The following ILK variants were observed in gnomAD, a reference collection of about 807,000 sequenced individuals.
ILK encodes the protein scaffold protein ILK.
A neutral mutation model predicts 57.8 loss-of-function variants in ILK; 37 were observed. The observed-to-expected ratio is 0.64, with a 90% CI of 0.49 to 0.84. The LOEUF is 0.84. ILK is among the 40% of genes least tolerant of loss of function. The pLI is 0.00. For missense variants in ILK, 528 were observed against 595.7 expected, an observed-to-expected ratio of 0.89 and a Z score of 1.18; for synonymous variants, 231 against 202.2, an observed-to-expected ratio of 1.14 and a Z score of -1.21.
In ILK at chr11:6,608,113, T is replaced by A. The variant is rs200336608; in HGVS notation, c.157T>A (p.Leu53Met). The A allele has an allele frequency of 2.5e-4, 402 of 1,614,142 alleles. No homozygotes were observed. Among genetic ancestry groups the A allele is most frequent in the Non-Finnish European group, 1.7e-4 (197 of 1,180,016 alleles). The change falls in exon 3 of 13, where the codon TTG becomes ATG. Residue 53 changes from leucine (L) to methionine (M), a missense_variant. Physicochemically the swap from Leu to Met is conservative, Grantham distance 15. Transcript: ENST00000299421. This position sits in a 1 kb window ranked among gnomAD's most constrained non-coding sequence, Gnocchi z 4.9. ...GGGCCGCTCTGCTGTGGTTGAGATG[T>A]TGATCATGCGGGGGGCACGGATCAA... ...REGRSAVVEM[L>M]IMRGARINVM...
chr11:6,606,158 G>A (rs960487265), intron 2 of ILK: 1 of 152,270 alleles, frequency 6.6e-6, no homozygotes, highest in East Asian at 1.9e-4. Context: ...GGGCCACAGA[G>A]CAAGACTCTG....
rs1406665328 is a variant in ILK at position 6,610,650 on chromosome 11, A to G, written c.*39A>G. The G allele has an allele frequency of 6.2e-7, 1 of 1,613,514 alleles. No individual in the cohort carries two copies. Among genetic ancestry groups the G allele is most frequent in the Non-Finnish European group, 8.5e-7 (1 of 1,179,572 alleles). ...TTGCCTGAACTCCAGAGGTGTCGGG[A>G]CATGGTTGGGGGAATGCACCTCCCC... is the stretch of plus-strand genomic sequence containing the variant. On this transcript the variant is annotated 3_prime_UTR_variant, in exon 13 of 13. Transcript: ENST00000299421.
chr11:6,606,034 C>T (rs185530462), intron 2 of ILK, among the ~76,000 whole-genome samples: 5 of 152,212 alleles, frequency 3.3e-5, no homozygotes, highest in African/African-American at 1.2e-4. Flanking sequence ...ATTAGCCAGG[C>T]GTGGTGGCGT....
At chr11:6,609,245 G>A in intron 7 of ILK, 54 bp from the exon 8 acceptor site, 1 of 1,603,312 alleles carries the variant, frequency 6.2e-7, no homozygotes, top group East Asian at 2.2e-5. Context: ...CCAGTTAGTG[G>A]GCAAGGAAGT....
At chr11:6,609,887 C>T (rs1225554100) in intron 10 of ILK, 42 bp downstream of exon 10, 1 of 1,614,210 alleles carries the variant, frequency 6.2e-7, no homozygotes, top group South Asian at 1.1e-5. Context: ...CCCAAAAGCC[C>T]TTTGCCTATC....
intron 2 of ILK, chr11:6,604,880 A>G: frequency 4.4e-6 from 2 of 456,466 alleles, no homozygotes; most frequent in Non-Finnish European, 8.8e-6. Context: ...TGTGAAGAGC[A>G]GGTGGAAAGG....
Position 6,609,412 on chromosome 11 carries a change from G to T in ILK, c.728+4G>T. On this transcript the variant is annotated splice_donor_region_variant and intron_variant, in intron 8 of 12. Coordinates refer to ENST00000299421, the MANE Select transcript of ILK (RefSeq NM_004517.4). ...ATGAAGAGTGTCCCCGGCTCAGGTAGTGCAAGGCGTAACCTGGAAGCTGCT... is the reference window on the plus strand; with the variant it reads ...ATGAAGAGTGTCCCCGGCTCAGGTATTGCAAGGCGTAACCTGGAAGCTGCT... 6.2e-7 allele frequency: 1 copy of T among 1,613,706 alleles called. No individual in the cohort carries two copies. Among genetic ancestry groups the T allele is most frequent in the Non-Finnish European group, 8.5e-7 (1 of 1,179,678 alleles).
rs1005857328 is a variant in ILK at position 6,609,828 on chromosome 11, A to G, written c.961A>G (p.Asn321Asp). 4 of 1,614,196 alleles carry G rather than the reference A, an allele frequency of 2.5e-6. No homozygotes were observed. Among genetic ancestry groups the G allele is most frequent in the Non-Finnish European group, 3.4e-6 (4 of 1,180,010 alleles). ...GCCCCTCATCCCACGACATGCACTCAATAGCCGTAGTGTAATGGTGAGGCC... is the reference window on the plus strand; with the variant it reads ...GCCCCTCATCCCACGACATGCACTCGATAGCCGTAGTGTAATGGTGAGGCC... Reference protein sequence around the residue: ...LEPLIPRHALNSRSVMIDEDM... With the variant: ...LEPLIPRHALDSRSVMIDEDM... Residue 321 changes from asparagine to aspartate, a missense_variant, in exon 10 of 13, where the codon AAT becomes GAT. Asn to Asp is a conservative substitution (Grantham distance 23, BLOSUM62 1). Transcript: ENST00000299421.
rs1429491891 is a variant in ILK at position 6,610,697 on chromosome 11, C to T, written c.*86C>T. ...CCCCAAAGCAGCAGGCCTCTGGTTG[C>T]CTCCCCCGCCTCCAGTCATGGTACT... is the stretch of plus-strand genomic sequence containing the variant. On this transcript the variant is annotated 3_prime_UTR_variant, in exon 13 of 13. Transcript: ENST00000299421. The T allele has an allele frequency of 1.3e-6, 2 of 1,508,828 alleles. No homozygotes were observed. Among genetic ancestry groups the T allele is most frequent in the Non-Finnish European group, 1.8e-6 (2 of 1,091,396 alleles). The allele number at this position is 1,508,828 out of a possible 1,614,324, so 93.5% of individuals were successfully genotyped here.
chr11:6,604,325 G>C lies in ILK; in HGVS notation c.54G>C (p.Leu18=). Residue 18 remains leucine (L), a synonymous_variant, in exon 2 of 13, where the codon CTG becomes CTC. Coordinates refer to ENST00000299421, the MANE Select transcript of ILK (RefSeq NM_004517.4). ...AGGGCAACGCAGTCGCCGTTCGCCT[G>C]TGGCTGGACAACACGGAGAACGACC... ...CREGNAVAVR[L]WLDNTENDLN... The C allele has an allele frequency of 6.2e-7, 1 of 1,612,810 alleles. No individual in the cohort carries two copies.
At chr11:6,607,876 C>A in intron 2 of ILK, 170 bp from the exon 3 acceptor site, 3 of 659,612 alleles carry the variant, frequency 4.5e-6, no homozygotes, top group South Asian at 1.8e-5. Flanking sequence ...TGGTTTGAAG[C>A]TCAGGGGAAG....
Position 6,608,343 on chromosome 11 carries a change from G to A in ILK, c.256-51G>A. 6.3e-7 allele frequency: 1 copy of A among 1,584,790 alleles called. No homozygotes were observed. The highest frequency in any genetic ancestry group is 8.7e-7 in the Non-Finnish European group (1 of 1,153,370). ...ATGCCCTGACACCAGTATCTCATTT[G>A]GAACTGACTGTACTTTCTGCCTCTT... is the stretch of plus-strand genomic sequence containing the variant. On this transcript the variant is annotated intron_variant, in intron 3 of 12. Coordinates refer to ENST00000299421, the MANE Select transcript of ILK (RefSeq NM_004517.4). This position sits in a 1 kb window ranked among gnomAD's most constrained non-coding sequence, Gnocchi z 4.9.
Position 6,609,933 on chromosome 11 carries a change from C to T in ILK, c.979-3C>T. On this transcript the variant is annotated splice_polypyrimidine_tract_variant and splice_region_variant and intron_variant, in intron 10 of 12. Transcript: ENST00000299421. Reference sequence around the variant, plus strand: ...CTCCTTCTATCTGTTTTCTCTTCCTCAGATTGATGAGGACATGACTGCCCG... The same window carrying T: ...CTCCTTCTATCTGTTTTCTCTTCCTTAGATTGATGAGGACATGACTGCCCG... 1.2e-6 allele frequency: 2 copies of T among 1,614,152 alleles called. No individual in the cohort carries two copies. Among genetic ancestry groups the T allele is most frequent in the Non-Finnish European group, 1.7e-6 (2 of 1,180,026 alleles).
In ILK at chr11:6,603,808, G is replaced by A; in HGVS notation, c.-107G>A. 1 of 355,898 alleles carries A rather than the reference G, an allele frequency of 2.8e-6. No homozygotes were observed. The highest frequency in any genetic ancestry group is 5.1e-6 in the Non-Finnish European group (1 of 197,638). The allele number at this position is 355,898 out of a possible 1,614,324, so 22.0% of individuals were successfully genotyped here. A position where few individuals can be genotyped will look rare whatever the true frequency, so the allele number is the denominator to read the frequency against. On this transcript the variant is annotated 5_prime_UTR_variant, in exon 1 of 13. Transcript: ENST00000299421. ...CGGGAGTTCCCCGGAGAAGGATCCTGCAGCCCGAGTCCCGGTGAGTGCGAG... is the reference window on the plus strand; with the variant it reads ...CGGGAGTTCCCCGGAGAAGGATCCTACAGCCCGAGTCCCGGTGAGTGCGAG...
Position 6,609,087 on chromosome 11 carries a change from CAA to C in ILK, c.551_552del (p.Lys184ThrfsTer5). On this transcript the variant is annotated frameshift_variant, in exon 7 of 13. Coordinates refer to ENST00000299421, the MANE Select transcript of ILK (RefSeq NM_004517.4). LOFTEE classifies it high-confidence loss of function. ...RTRPRNGTLNKHSGIDFKQLN... is the reference protein window; with the variant it reads ...RTRPRNGTLNXHSGIDFKQLN... ...CACTCTTAGGAAATGGAACCCTGAA[CAA>C]ACACTCTGGCATTGACTTCAAACAG... The C allele has an allele frequency of 1.9e-6, 3 of 1,614,150 alleles. No individual in the cohort carries two copies. Among genetic ancestry groups the C allele is most frequent in the Non-Finnish European group, 2.5e-6 (3 of 1,179,992 alleles).
chr11:6,608,508 A>T lies in ILK; in HGVS notation c.351+19A>T, dbSNP rs183392482. The T allele has an allele frequency of 3.2e-5, 50 of 1,586,022 alleles. No individual in the cohort carries two copies. In the African/African-American group the frequency reaches 6.3e-4, roughly 20 times the overall value. The stretch of plus-strand genomic sequence containing the variant: ...GGCAGAGGTGAGTACTCAGCCCTTA[A>T]TTCCTGAGATGGGTAGGAAGTAAAG... On this transcript the variant is annotated intron_variant, in intron 4 of 12. Transcript: ENST00000299421. This position sits in a 1 kb window ranked among gnomAD's most constrained non-coding sequence, Gnocchi z 4.9.
chr11:6,607,209 C>T (rs2134544506), intron 2 of ILK: 1 of 152,414 alleles, frequency 6.6e-6, no homozygotes, highest in Non-Finnish European at 1.5e-5. Context: ...CTTTTATGGC[C>T]CCAGGCTGTC....
In ILK at chr11:6,610,704, C is replaced by G. The variant is rs988778518; in HGVS notation, c.*93C>G. 9.3e-6 allele frequency: 14 copies of G among 1,497,526 alleles called. No individual in the cohort carries two copies. The highest frequency in any genetic ancestry group is 6.9e-5 in the African/African-American group (5 of 72,576). 92.8% of individuals were successfully genotyped at this position (1,497,526 alleles called of 1,614,324 possible). A position where few individuals can be genotyped will look rare whatever the true frequency, so the allele number is the denominator to read the frequency against. ...GCAGCAGGCCTCTGGTTGCCTCCCC[C>G]GCCTCCAGTCATGGTACTACCCCAG... is the stretch of plus-strand genomic sequence containing the variant. On this transcript the variant is annotated 3_prime_UTR_variant, in exon 13 of 13. Transcript: ENST00000299421.
intron 2 of ILK, 193 bp from the exon 3 acceptor site, chr11:6,607,853 T>C (rs1855085312): frequency 1.6e-6 from 1 of 606,174 alleles, no homozygotes; most frequent in Non-Finnish European, 2.9e-6. Context: ...TTGAGATATC[T>C]AGGTGGTTGG....
Sources: gnomAD v4.1 joint callset for allele counts (sites outside exome capture counted in the v4.1 genomes callset) on GRCh38, gnomAD v4.1.1 for gene constraint, Gnocchi (gnomAD v3.1) non-coding constraint, MANE v1.5 for transcripts, NCBI Gene and HGNC (gene_info 2026-07-23, HGNC 2026-07-21) for gene names.